The following SLC9A9 variants were observed in gnomAD, a reference collection of about 807,000 sequenced individuals.
SLC9A9 encodes the protein sodium/hydrogen exchanger 9.
In SLC9A9, 62 loss-of-function variants were observed where a neutral mutation model predicts 77.8. The ratio of observed to expected loss-of-function variants is 0.80; its 90% CI spans 0.65 to 0.98. The LOEUF (loss-of-function observed/expected upper bound fraction) is 0.98. Among genes scored for constraint, SLC9A9 ranks in the 50% least tolerant of loss-of-function variants. SLC9A9 has a pLI of 0.00. For missense variants in SLC9A9, 775 were observed against 774.9 expected (o/e 1.00, Z 0.00); for synonymous variants, 320 against 283.5 (o/e 1.13, Z -1.29).
At chr3:143,603,937 T>C (rs988016823) in intron 6 of SLC9A9, among the ~76,000 whole-genome samples, 1 of 152,244 alleles carries the variant, frequency 6.6e-6, no homozygotes, top group African/African-American at 2.4e-5. Flanking sequence ...CTTCTGTGTC[T>C]TTTGTAAGAC....
rs116190347 is a variant in SLC9A9 at position 143,403,445 on chromosome 3, G to A, written c.1470-21331C>T. ...TAGTTAATACGTAGTTACCTTTGCCGGCACTTTTTTTTTTCCACGTGGATT... is the reference window on the plus strand; with the variant it reads ...TAGTTAATACGTAGTTACCTTTGCCAGCACTTTTTTTTTTCCACGTGGATT... On this transcript the variant is annotated intron_variant, in intron 12 of 15. Transcript: ENST00000316549. Among the ~76,000 whole-genome samples, 689 of 151,250 alleles carry A rather than the reference G, an allele frequency of 4.6e-3. 2 individuals carry two copies. The highest frequency in any genetic ancestry group is 7.0e-3 in the Admixed American group (106 of 15,204).
At chr3:143,592,436 T>C (rs1034556695) in intron 6 of SLC9A9, among the ~76,000 whole-genome samples, 1 of 146,082 alleles carries the variant, frequency 6.8e-6, no homozygotes, top group Non-Finnish European at 1.5e-5. Flanking sequence ...AGAAAACCTG[T>C]GCCCTGGACC....
intron 12 of SLC9A9, among the ~76,000 whole-genome samples, chr3:143,394,755 C>T (rs1346152030): frequency 1.3e-5 from 2 of 152,226 alleles, no homozygotes; most frequent in Non-Finnish European, 2.9e-5. Context: ...TCAGCAAAGT[C>T]TCAGGATACA....
chr3:143,493,527 T>A, intron 11 of SLC9A9, 126 bp downstream of exon 11: 1 of 774,784 alleles, frequency 1.3e-6, no homozygotes, highest in Non-Finnish European at 2.2e-6. Context: ...ATCAGCATAG[T>A]GTTAGGTACA....
chr3:143,326,093 G>A (rs2031595022), intron 14 of SLC9A9, among the ~76,000 whole-genome samples: 1 of 152,038 alleles, frequency 6.6e-6, no homozygotes, highest in Non-Finnish European at 1.5e-5. Context: ...TAGCAATAAT[G>A]GAAAGAAAAA....
intron 4 of SLC9A9, among the ~76,000 whole-genome samples, chr3:143,792,980 G>T (rs1170270754): frequency 6.6e-6 from 1 of 151,894 alleles, no homozygotes; most frequent in African/African-American, 2.4e-5. Context: ...AAATGTTTAG[G>T]CTATCTTTCC....
intron 14 of SLC9A9, among the ~76,000 whole-genome samples, chr3:143,286,497 A>G (rs993111185): frequency 6.6e-6 from 1 of 152,216 alleles, no homozygotes; most frequent in African/African-American, 2.4e-5. Context: ...AAGGAGTCCA[A>G]GGCATTCTCA....
intron 5 of SLC9A9, among the ~76,000 whole-genome samples, chr3:143,660,654 A>T (rs1316663846): frequency 6.6e-6 from 1 of 152,208 alleles, no homozygotes; most frequent in African/African-American, 2.4e-5. Context: ...TCTAGCAAAC[A>T]AATACACTCT....
At chr3:143,394,513 A>T (rs1184070247) in intron 12 of SLC9A9, among the ~76,000 whole-genome samples, 2 of 152,124 alleles carry the variant, frequency 1.3e-5, no homozygotes, top group East Asian at 3.8e-4. Context: ...ATGGGCAAAA[A>T]CTGGAAGCAT....
chr3:143,309,217 A>G (rs2108435677), intron 14 of SLC9A9, among the ~76,000 whole-genome samples: 1 of 152,296 alleles, frequency 6.6e-6, no homozygotes, highest in East Asian at 1.9e-4. Flanking sequence ...CTCCTTACAC[A>G]TGAACAGTCT....
rs192320913 is a variant in SLC9A9, at chr3:143,647,604, G to A, written c.755+4651C>T. On this transcript the variant is annotated intron_variant, in intron 6 of 15. Transcript: ENST00000316549. ...AAGGTATCTGATTTTAACCATTTAT[G>A]TCTTTATTTTTTCTGATTGTTATTC... Among the ~76,000 whole-genome samples, 787 of 152,246 alleles carry A rather than the reference G, an allele frequency of 5.2e-3. 34 individuals are homozygous for A. The highest frequency in any genetic ancestry group is 0.049 in the Admixed American group (747 of 15,286).
At chr3:143,284,156 A>G (rs1938309035) in intron 14 of SLC9A9, among the ~76,000 whole-genome samples, 1 of 151,776 alleles carries the variant, frequency 6.6e-6, no homozygotes, top group African/African-American at 2.4e-5. Context: ...TCGTTATACT[A>G]TTTCACCCTC....
At chr3:143,489,547 T>G (rs1018065457) in intron 11 of SLC9A9, among the ~76,000 whole-genome samples, 6 of 151,788 alleles carry the variant, frequency 4.0e-5, no homozygotes, top group African/African-American at 1.4e-4. Context: ...GATAAAAAAA[T>G]GTAAGGCCTA....
At chr3:143,375,679 A>G (rs1161161332) in intron 13 of SLC9A9, among the ~76,000 whole-genome samples, 1 of 152,218 alleles carries the variant, frequency 6.6e-6, no homozygotes, top group Non-Finnish European at 1.5e-5. Flanking sequence ...GTTATCTAGC[A>G]AATTGTAGCT....
At chr3:143,726,001 T>C (rs1387648030) in intron 4 of SLC9A9, among the ~76,000 whole-genome samples, 2 of 152,114 alleles carry the variant, frequency 1.3e-5, no homozygotes, top group African/African-American at 2.4e-5. Flanking sequence ...CATAGCCTTA[T>C]GTATTCACCT....
intron 12 of SLC9A9, among the ~76,000 whole-genome samples, chr3:143,457,931 C>T (rs906124057): frequency 6.6e-6 from 1 of 152,118 alleles, no homozygotes; most frequent in Non-Finnish European, 1.5e-5. Flanking sequence ...GTAGAGTGTT[C>T]TATAAATGTC....
intron 13 of SLC9A9, chr3:143,371,882 A>G: frequency 4.5e-6 from 1 of 221,352 alleles, no homozygotes; most frequent in Non-Finnish European, 9.4e-6. Context: ...CAGGTTACAA[A>G]ATCAATGTAC....
At chr3:143,760,072 G>C (rs749619018) in intron 4 of SLC9A9, among the ~76,000 whole-genome samples, 1 of 152,060 alleles carries the variant, frequency 6.6e-6, no homozygotes, top group Non-Finnish European at 1.5e-5. Flanking sequence ...TTACTATCTT[G>C]AGTTTGATAG....
chr3:143,293,318 T>A (rs1382601353), intron 14 of SLC9A9, among the ~76,000 whole-genome samples: 2 of 152,204 alleles, frequency 1.3e-5, no homozygotes, highest in Non-Finnish European at 2.9e-5. Context: ...TGCGTCTGCA[T>A]GTATTCTTCA....
Sources: allele counts gnomAD v4.1 joint callset (sites outside exome capture counted in the v4.1 genomes callset), GRCh38; gene constraint gnomAD v4.1.1; transcripts MANE v1.5; gene names NCBI Gene and HGNC (gene_info 2026-07-23, HGNC 2026-07-21).